GALNT15: variants seen among roughly 807,000 people sequenced by gnomAD.
GALNT15 encodes UDP-GalNAc transferase T15.
In GALNT15, 67 loss-of-function variants were observed where a neutral mutation model predicts 66.8. The observed-to-expected ratio is 1.00, with a 90% CI of 0.82 to 1.23. The LOEUF is 1.23. GALNT15 is among the 50% of genes most tolerant of loss of function. The pLI is 0.00. For synonymous variants in GALNT15, 313 were observed against 311.5 expected (o/e 1.00, Z -0.05); for missense variants, 827 against 804.3 (o/e 1.03, Z -0.34).
chr3:16,221,891 G>A (rs779399723), intron 8 of GALNT15, among the ~76,000 whole-genome samples: 5 of 152,140 alleles, frequency 3.3e-5, no homozygotes, highest in Non-Finnish European at 5.9e-5. Context: ...TCTTTAATTT[G>A]ACAATTATTA....
Position 16,219,333 on chromosome 3 carries a change from C to A in GALNT15, c.1393-70C>A. 6.3e-7 allele frequency: 1 copy of A among 1,583,822 alleles called. No homozygotes were observed. Among genetic ancestry groups the A allele is most frequent in the Non-Finnish European group, 8.6e-7 (1 of 1,163,866 alleles). ...TCCTTTAGCTTCTTCCCAGCCACTC[C>A]ATCCCCAACCATGTGAATTCTGGGC... is the stretch of plus-strand genomic sequence containing the variant. On this transcript the variant is annotated intron_variant, in intron 6 of 9. Coordinates refer to ENST00000339732, the MANE Select transcript of GALNT15 (RefSeq NM_054110.5). The surrounding 1 kb of genome is among the most constrained non-coding windows in gnomAD (Gnocchi z 4.3).
At position 16,224,289 on chromosome 3, in the gene GALNT15, A is replaced by C. The variant is rs2124905228; in HGVS notation, c.1773+1531A>C. Among the ~76,000 whole-genome samples, 1 of 152,338 alleles carries C rather than the reference A, an allele frequency of 6.6e-6. No homozygotes were observed. The highest frequency in any genetic ancestry group is 2.1e-4 in the South Asian group (1 of 4,824). On this transcript the variant is annotated intron_variant, in intron 9 of 9. Coordinates refer to ENST00000339732, the MANE Select transcript of GALNT15 (RefSeq NM_054110.5). The surrounding 1 kb of genome is among the most constrained non-coding windows in gnomAD (Gnocchi z 5.2). ...GCAACCCAGGTGTCCACCATGGATGAAGAGATAACAAAATGTGGCATACAC... is the reference window on the plus strand; with the variant it reads ...GCAACCCAGGTGTCCACCATGGATGCAGAGATAACAAAATGTGGCATACAC...
downstream of GALNT15, chr3:16,231,798 G>A (rs1458096766): frequency 6.5e-7 from 1 of 1,535,946 alleles, no homozygotes; most frequent in African/African-American, 1.4e-5. This position sits in a 1 kb window ranked among gnomAD's most constrained non-coding sequence, Gnocchi z 4.1. Context: ...CTCAGGATGA[G>A]AACAGGGCCA....
At chr3:16,231,548 AGCT>A (rs1479286541), downstream of GALNT15, among the ~76,000 whole-genome samples, 5 of 152,190 alleles carry the variant, frequency 3.3e-5, no homozygotes, top group Non-Finnish European at 7.3e-5. This position sits in a 1 kb window ranked among gnomAD's most constrained non-coding sequence, Gnocchi z 4.1. Flanking sequence ...ACATATAAAC[AGCT>A]TGCCTGATGG....
the GALNT15 span, among the ~76,000 whole-genome samples, chr3:16,240,827 G>A: frequency 6.6e-6 from 1 of 151,964 alleles, no homozygotes; most frequent in Non-Finnish European, 1.5e-5. Context: ...GTAATGACCC[G>A]CCTCCCCAGC....
rs2063466531 is a variant in GALNT15 at position 16,181,156 on chromosome 3, C to T, written c.539+5466C>T. On this transcript the variant is annotated intron_variant, in intron 1 of 9. Transcript: ENST00000339732. The surrounding 1 kb of genome is among the most constrained non-coding windows in gnomAD (Gnocchi z 5.9). ...TATCATATTGCTGTCCTTTTTCTGA[C>T]TGAAAAGTTATTTTCTGGCCCTGGA... is the stretch of plus-strand genomic sequence containing the variant. Among the ~76,000 whole-genome samples, 1 of 152,162 alleles carries T rather than the reference C, an allele frequency of 6.6e-6. No homozygotes were observed. Among genetic ancestry groups the T allele is most frequent in the East Asian group, 1.9e-4 (1 of 5,194 alleles).
rs1056947700 is a variant in GALNT15 at position 16,211,335 on chromosome 3, A to G, written c.1197+94A>G. 1.2e-6 allele frequency: 1 copy of G among 810,076 alleles called. No individual in the cohort carries two copies. The highest frequency in any genetic ancestry group is 1.8e-5 in the Admixed American group (1 of 54,120). The allele number at this position is 810,076 out of a possible 1,614,324, so 50.2% of individuals were successfully genotyped here. On this transcript the variant is annotated intron_variant, in intron 5 of 9. Coordinates refer to ENST00000339732, the MANE Select transcript of GALNT15 (RefSeq NM_054110.5). This position sits in a 1 kb window ranked among gnomAD's most constrained non-coding sequence, Gnocchi z 4.3. The stretch of plus-strand genomic sequence containing the variant: ...GCAGGCATTAGAAATGTCACTGGGA[A>G]GGAATGAGGCTGTGGGAAAATTATA...
chr3:16,218,810 CTTTTTTTT>C (rs10538222), intron 6 of GALNT15, among the ~76,000 whole-genome samples: 1 of 92,918 alleles, frequency 1.1e-5, no homozygotes, highest in African/African-American at 4.5e-5. Flanking sequence ...CTCTCTCTCT[CTTTTTTTT>C]TTTTTTTTTT....
At chr3:16,178,542 G>C (rs887613978) in intron 1 of GALNT15, among the ~76,000 whole-genome samples, 15 of 152,156 alleles carry the variant, frequency 9.9e-5, no homozygotes, top group African/African-American at 3.6e-4. Context: ...GGTGCGTGCG[G>C]CCTGCGCAGC....
chr3:16,178,101 C>T (rs894148356), intron 1 of GALNT15, among the ~76,000 whole-genome samples: 5 of 152,028 alleles, frequency 3.3e-5, no homozygotes, highest in Middle Eastern at 3.4e-3. Flanking sequence ...TACATGTGTG[C>T]GTATGTATTC....
At chr3:16,210,250 C>A (rs1248199086) in intron 4 of GALNT15, among the ~76,000 whole-genome samples, 8 of 152,176 alleles carry the variant, frequency 5.3e-5, no homozygotes, top group Admixed American at 5.2e-4. Flanking sequence ...GACACATAGC[C>A]CACCTAAGAT....
intron 9 of GALNT15, among the ~76,000 whole-genome samples, chr3:16,226,982 G>A (rs2124908617): frequency 6.6e-6 from 1 of 152,258 alleles, no homozygotes. Context: ...ATTAACAGAA[G>A]GTAAAGTGGA....
At chr3:16,244,110 C>T in the GALNT15 span, 2 of 608,510 alleles carry the variant, frequency 3.3e-6, no homozygotes, top group East Asian at 1.4e-4. Context: ...AGGCACCGAT[C>T]GATAGGACTC....
In GALNT15 at chr3:16,229,100, A is replaced by C. The variant is rs892612549; in HGVS notation, c.*1600A>C. 4.0e-5 allele frequency: 39 copies of C among 985,312 alleles called. No individual in the cohort carries two copies. The highest frequency in any genetic ancestry group is 4.7e-5 in the Non-Finnish European group (39 of 829,936). The allele number at this position is 985,312 out of a possible 1,614,324, so 61.0% of individuals were successfully genotyped here. Reference sequence around the variant, plus strand: ...TCAGCTTAGAAATCTTCCCCTAAAGATGCTAATCTCCTTTGGGCTGTCTCA... The same window carrying C: ...TCAGCTTAGAAATCTTCCCCTAAAGCTGCTAATCTCCTTTGGGCTGTCTCA... On this transcript the variant is annotated 3_prime_UTR_variant, in exon 10 of 10. Transcript: ENST00000339732.
chr3:16,217,904 A>T (rs947296266), intron 6 of GALNT15, among the ~76,000 whole-genome samples: 9 of 152,252 alleles, frequency 5.9e-5, no homozygotes, highest in African/African-American at 2.2e-4. Context: ...ATTTACTTAG[A>T]GGAAAAAGTA....
In GALNT15 at chr3:16,211,549, G is replaced by A. The variant is rs765986119; in HGVS notation, c.1197+308G>A. Among the ~76,000 whole-genome samples, 2 of 152,146 alleles carry A rather than the reference G, an allele frequency of 1.3e-5. No homozygotes were observed. The highest frequency in any genetic ancestry group is 2.4e-5 in the African/African-American group (1 of 41,426). ...ACATTCTCTATTCACAGCGCTCTTA[G>A]CATCTTAGTAATTTTTTCACAGCAC... On this transcript the variant is annotated intron_variant, in intron 5 of 9. Coordinates refer to ENST00000339732, the MANE Select transcript of GALNT15 (RefSeq NM_054110.5). The surrounding 1 kb of genome is among the most constrained non-coding windows in gnomAD (Gnocchi z 4.3).
rs1047618050 is a variant in GALNT15 at position 16,176,425 on chromosome 3, A to C, written c.539+735A>C. On this transcript the variant is annotated intron_variant, in intron 1 of 9. Transcript: ENST00000339732. This position sits in a 1 kb window ranked among gnomAD's most constrained non-coding sequence, Gnocchi z 5.6. The stretch of plus-strand genomic sequence containing the variant: ...TCCAGTCTGCCTGACCCACCACTCC[A>C]TGCCACCTGCCTTGGGCCACTAGAC... 6.6e-6 allele frequency among the ~76,000 whole-genome samples: 1 copy of C among 152,190 alleles called. No homozygotes were observed. The highest frequency in any genetic ancestry group is 2.4e-5 in the African/African-American group (1 of 41,450).
downstream of GALNT15, among the ~76,000 whole-genome samples, chr3:16,231,153 T>C (rs1347398700): frequency 9.3e-5 from 3 of 32,124 alleles, no homozygotes; most frequent in African/African-American, 3.7e-4. This position sits in a 1 kb window ranked among gnomAD's most constrained non-coding sequence, Gnocchi z 4.1. Context: ...GGGTGGGGGG[T>C]GGGGGGCAAG....
chr3:16,223,083 G>A (rs913048120), intron 9 of GALNT15, among the ~76,000 whole-genome samples: 6 of 152,154 alleles, frequency 3.9e-5, no homozygotes, highest in Non-Finnish European at 8.8e-5. Context: ...TACAAGGAAC[G>A]TTCAGCCACC....
Sources: gnomAD v4.1 joint callset for allele counts (sites outside exome capture counted in the v4.1 genomes callset) on GRCh38, gnomAD v4.1.1 for gene constraint, Gnocchi (gnomAD v3.1) non-coding constraint, MANE v1.5 for transcripts, NCBI Gene and HGNC (gene_info 2026-07-23, HGNC 2026-07-21) for gene names.